The following TRPM8 variants were observed in gnomAD, a reference collection of about 807,000 sequenced individuals.
TRPM8 encodes the protein transient receptor potential cation channel subfamily M member 8.
In TRPM8, 110 loss-of-function variants were observed where a neutral mutation model predicts 133.7. That is an observed-to-expected ratio of 0.82 (90% CI 0.70 to 0.96). The LOEUF is 0.96. Among genes scored for constraint, TRPM8 ranks in the 40% least tolerant of loss-of-function variants. TRPM8 has a pLI of 0.00. For missense variants in TRPM8, 1,291 were observed against 1,379.5 expected, an observed-to-expected ratio of 0.94 and a Z score of 1.02; for synonymous variants, 535 against 532.3, an observed-to-expected ratio of 1.01 and a Z score of -0.07.
At chr2:233,954,041 T>G in intron 10 of TRPM8, 22 bp downstream of exon 10, 1 of 1,541,536 alleles carries the variant, frequency 6.5e-7, no homozygotes, top group Non-Finnish European at 8.8e-7. Context: ...TAGCTCCTTT[T>G]GAAGTGTCAG....
rs200805719 is a variant in TRPM8, at chr2:233,942,592, G to A, written c.543G>A (p.Thr181=). 2.0e-5 allele frequency: 32 copies of A among 1,614,182 alleles called. No homozygotes were observed. The highest frequency in any genetic ancestry group is 3.3e-5 in the Admixed American group (2 of 60,034). Residue 181 remains threonine (T), a synonymous_variant, in exon 6 of 26, where the codon ACG becomes ACA. Coordinates refer to ENST00000324695, the MANE Select transcript of TRPM8 (RefSeq NM_024080.5). ...IAQSKGAWIL[T]GGTHYGLMKY... is the part of the protein sequence containing the mutation. ...TGTTGACAGGTGCTTGGATTCTCAC[G>A]GGAGGCACCCATTATGGCCTGATGA...
chr2:233,925,724 T>G (rs1166453144), intron 1 of TRPM8, among the ~76,000 whole-genome samples: 3 of 152,212 alleles, frequency 2.0e-5, no homozygotes, highest in South Asian at 2.1e-4. Flanking sequence ...AGACACGGTA[T>G]GCAGGAAGGA....
intron 2 of TRPM8, among the ~76,000 whole-genome samples, chr2:233,927,860 C>CCTTCCTT (rs1235892141): frequency 8.3e-5 from 2 of 24,092 alleles, no homozygotes; most frequent in African/African-American, 2.9e-4. Flanking sequence ...TCCTTTCTTT[C>CCTTCCTT]TCTTTCTTTC....
At chr2:233,935,525 A>C (rs1559519427) in intron 3 of TRPM8, among the ~76,000 whole-genome samples, 1 of 152,260 alleles carries the variant, frequency 6.6e-6, no homozygotes, top group Non-Finnish European at 1.5e-5. Context: ...CTTTGGCAAC[A>C]GGTGTAAACT....
chr2:233,960,906 C>T lies in TRPM8; in HGVS notation c.1493C>T (p.Ser498Phe). 6.2e-7 allele frequency: 1 copy of T among 1,614,206 alleles called. No homozygotes were observed. The highest frequency in any genetic ancestry group is 8.5e-7 in the Non-Finnish European group (1 of 1,180,050). ...LTHDVLTELF[S>F]NHFSTLVYRN... ...CATGATGTCCTCACTGAACTCTTCT[C>T]CAACCACTTCAGCACGCTTGTGTAC... The change falls in exon 12 of 26, where the codon TCC becomes TTC. Residue 498 changes from serine to phenylalanine, a missense_variant. Coordinates refer to ENST00000324695, the MANE Select transcript of TRPM8 (RefSeq NM_024080.5).
At chr2:233,994,073 G>A (rs753816554) in intron 21 of TRPM8, among the ~76,000 whole-genome samples, 4 of 152,076 alleles carry the variant, frequency 2.6e-5, no homozygotes, top group Non-Finnish European at 4.4e-5. Context: ...CCCCAAACTC[G>A]AATATTTCAA....
chr2:233,926,756 A>G, intron 2 of TRPM8, 102 bp downstream of exon 2: 1 of 867,186 alleles, frequency 1.2e-6, no homozygotes, highest in Non-Finnish European at 1.9e-6. Flanking sequence ...TTTAAATGCC[A>G]TGTCTTTAAA....
At chr2:233,937,958 C>T (rs999699716) in intron 4 of TRPM8, among the ~76,000 whole-genome samples, 1 of 152,222 alleles carries the variant, frequency 6.6e-6, no homozygotes, top group Non-Finnish European at 1.5e-5. Context: ...CTACATCCTC[C>T]GTGCTCCCAG....
chr2:233,973,966 C>G (rs933470871), intron 17 of TRPM8, among the ~76,000 whole-genome samples: 1 of 152,234 alleles, frequency 6.6e-6, no homozygotes, highest in African/African-American at 2.4e-5. Flanking sequence ...TTCCTCCACT[C>G]TCACTTGTAG....
intron 8 of TRPM8, among the ~76,000 whole-genome samples, chr2:233,948,612 G>A (rs1488216807): frequency 2.6e-5 from 4 of 152,198 alleles, no homozygotes; most frequent in Non-Finnish European, 5.9e-5. Context: ...TAGGGGGTAG[G>A]GGGAGACTGG....
chr2:233,930,457 A>C (rs1691657768), intron 2 of TRPM8, among the ~76,000 whole-genome samples: 3 of 152,202 alleles, frequency 2.0e-5, no homozygotes, highest in Admixed American at 2.0e-4. Context: ...CTTCTAGAAA[A>C]ATTTTCCATT....
intron 10 of TRPM8, 136 bp downstream of exon 10, chr2:233,954,155 G>T (rs777043023): frequency 5.4e-6 from 3 of 550,776 alleles, no homozygotes; most frequent in Non-Finnish European, 3.1e-6. Flanking sequence ...TAGATTGGAA[G>T]CTAGAATAAC....
At chr2:233,977,120 T>C (rs1211966307) in intron 17 of TRPM8, among the ~76,000 whole-genome samples, 1 of 152,202 alleles carries the variant, frequency 6.6e-6, no homozygotes, top group Non-Finnish European at 1.5e-5. Flanking sequence ...GATGTCGAAA[T>C]GCTGATTTGG....
chr2:233,970,438 A>G lies in TRPM8; in HGVS notation c.2355+12A>G. On this transcript the variant is annotated intron_variant, in intron 17 of 25. Transcript: ENST00000324695. Reference sequence around the variant, plus strand: ...ATGAAGTGAGACAGGTAGGGCTGCCATGACAGCAGGAACCCCCTCGCTTCC... The same window carrying G: ...ATGAAGTGAGACAGGTAGGGCTGCCGTGACAGCAGGAACCCCCTCGCTTCC... The G allele has an allele frequency of 6.2e-7, 1 of 1,612,560 alleles. No homozygotes were observed. Among genetic ancestry groups the G allele is most frequent in the Non-Finnish European group, 8.5e-7 (1 of 1,179,068 alleles).
At chr2:233,942,090 TTC>T (rs1436605502) in intron 5 of TRPM8, among the ~76,000 whole-genome samples, 8 of 140,032 alleles carry the variant, frequency 5.7e-5, no homozygotes, top group African/African-American at 2.2e-4. Flanking sequence ...TTTTTTTTTT[TTC>T]TTTTTGAGAT....
intron 17 of TRPM8, among the ~76,000 whole-genome samples, chr2:233,976,569 C>T (rs755744527): frequency 1.3e-5 from 2 of 152,200 alleles, no homozygotes; most frequent in East Asian, 1.9e-4. Context: ...CTGGCTGACC[C>T]CTACCTATTC....
In TRPM8 at chr2:233,942,606, A is replaced by G. The variant is rs1690936937; in HGVS notation, c.557A>G (p.Tyr186Cys). ...TGGATTCTCACGGGAGGCACCCATT[A>G]TGGCCTGATGAAGTACATCGGGGAG... is the stretch of plus-strand genomic sequence containing the variant. ...GAWILTGGTH[Y>C]GLMKYIGEVV... Residue 186 changes from tyrosine (Y) to cysteine (C), a missense_variant, in exon 6 of 26, where the codon TAT (tyrosine) becomes TGT (cysteine). Physicochemically the swap from Tyr to Cys is radical, Grantham distance 194. Transcript: ENST00000324695. 6.2e-7 allele frequency: 1 copy of G among 1,614,212 alleles called. No homozygotes were observed. The highest frequency in any genetic ancestry group is 8.5e-7 in the Non-Finnish European group (1 of 1,180,040).
At chr2:233,994,293 A>G (rs1289064741) in intron 21 of TRPM8, among the ~76,000 whole-genome samples, 1 of 152,186 alleles carries the variant, frequency 6.6e-6, no homozygotes, top group Non-Finnish European at 1.5e-5. Flanking sequence ...GCTTGCTATT[A>G]GCCTCAAAGC....
At chr2:234,007,859 C>T (rs1166998557) in intron 23 of TRPM8, among the ~76,000 whole-genome samples, 1 of 152,182 alleles carries the variant, frequency 6.6e-6, no homozygotes, top group African/African-American at 2.4e-5. Flanking sequence ...TTATGTGCTG[C>T]ACTTCTAATT....
Sources: allele counts gnomAD v4.1 joint callset (sites outside exome capture counted in the v4.1 genomes callset), GRCh38; gene constraint gnomAD v4.1.1; transcripts MANE v1.5; gene names NCBI Gene and HGNC (gene_info 2026-07-23, HGNC 2026-07-21).